HRNR: variants seen among roughly 807,000 people sequenced by gnomAD.
HRNR encodes the protein hornerin.
A neutral mutation model predicts 4.8 loss-of-function variants in HRNR; 7 were observed. The ratio of observed to expected loss-of-function variants is 1.47; its 90% CI spans 0.83 to 2.75. The LOEUF is 2.75. Among genes scored for constraint, HRNR ranks in the 30% most tolerant of loss-of-function variants. HRNR has a pLI of 0.00. For missense variants in HRNR, 2,879 were observed against 3,010.4 expected (o/e 0.96, Z 1.02); for synonymous variants, 1,023 against 1,242.7 (o/e 0.82, Z 3.72).
In HRNR at chr1:152,220,688, G is replaced by T. The variant is rs193159286; in HGVS notation, c.941C>A (p.Ser314Tyr). The T allele has an allele frequency of 6.2e-7, 1 of 1,613,194 alleles. No individual in the cohort carries two copies. Among genetic ancestry groups the T allele is most frequent in the East Asian group, 2.2e-5 (1 of 44,802 alleles). ...RQSPSHVRHG[S>Y]GSGHSSSHGQ... ...GTGGCTGGAGGAGTGCCCCGAACCG[G>T]ACCCATGTCGGACGTGGCTAGGAGA... The change falls in exon 3 of 3, where the codon TCC becomes TAC. Residue 314 changes from serine to tyrosine, a missense_variant. Ser to Tyr is a moderately radical substitution (Grantham distance 144). Around this residue, in one of 8 missense-constraint regions of HRNR, gnomAD observed 2,646 missense variants for 1,377.7 expected, o/e 1.92. Transcript: ENST00000368801.
rs755796416 is a variant in HRNR at position 152,219,199 on chromosome 1, G to T, written c.2430C>A (p.Gly810=). The change falls in exon 3 of 3, where the codon GGC becomes GGA. Residue 810 remains glycine (G), a synonymous_variant. Transcript: ENST00000368801. The part of the protein sequence containing the change: ...CSSSCGHYES[G]SGQASGFGQH... Reference sequence around the variant, plus strand: ...GCCCAAAACCAGAAGCCTGGCCTGAGCCAGACTCATAATGGCCACAGCTGG... The same window carrying T: ...GCCCAAAACCAGAAGCCTGGCCTGATCCAGACTCATAATGGCCACAGCTGG... 8 of 1,613,926 alleles carry T rather than the reference G, an allele frequency of 5.0e-6. No homozygotes were observed. Among genetic ancestry groups the T allele is most frequent in the Non-Finnish European group, 6.8e-6 (8 of 1,179,932 alleles).
rs139815460 is a variant in HRNR, at chr1:152,219,581, C to A, written c.2048G>T (p.Gly683Val). The change falls in exon 3 of 3, where the codon GGT becomes GTT. Residue 683 changes from glycine (G) to valine (V), a missense_variant. Physicochemically the swap from Gly to Val is moderately radical, Grantham distance 109. Coordinates refer to ENST00000368801, the MANE Select transcript of HRNR (RefSeq NM_001009931.3). ...ATGTGGGCCATTGCTTGAAGACCAA[C>A]CGGAGCCAGACCCATGTTGGCCGTA... is the stretch of plus-strand genomic sequence containing the variant. ...SSYGQHGSGS[G>V]WSSSNGPHGS... The A allele has an allele frequency of 3.1e-6, 5 of 1,611,594 alleles. No individual in the cohort carries two copies. The highest frequency in any genetic ancestry group is 4.2e-6 in the Non-Finnish European group (5 of 1,179,066).
Position 152,216,535 on chromosome 1 carries a change from C to A in HRNR, c.5094G>T (p.Gln1698His), listed in dbSNP as rs1648672367. The change falls in exon 3 of 3, where the codon CAG becomes CAT. Residue 1698 changes from glutamine (Q) to histidine (H), a missense_variant. This residue lies in a region of HRNR where 5 missense variants were observed against 621.9 expected (regional missense o/e 0.01). Transcript: ENST00000368801. ...RYGQHGSGSR[Q>H]SSGHGRQGSG... ...ACCCTTGTCGGCCGTGGCCCGAAGA[C>A]TGACGGGAGCCAGACCCATGCTGAC... 1 of 1,597,264 alleles carries A rather than the reference C, an allele frequency of 6.3e-7. No individual in the cohort carries two copies. The highest frequency in any genetic ancestry group is 8.5e-7 in the Non-Finnish European group (1 of 1,176,472).
rs1436241570 is a variant in HRNR, at chr1:152,218,504, G to C, written c.3125C>G (p.Ser1042Cys). 1.2e-6 allele frequency: 2 copies of C among 1,613,804 alleles called. No homozygotes were observed. Among genetic ancestry groups the C allele is most frequent in the East Asian group, 2.2e-5 (1 of 44,802 alleles). Residue 1042 changes from serine to cysteine, a missense_variant, in exon 3 of 3, where the codon TCT (serine) becomes TGT (cysteine). Ser to Cys is a moderately radical substitution (Grantham distance 112). This residue lies in a region of HRNR where 2,646 missense variants were observed against 1,377.7 expected (regional missense o/e 1.92). Coordinates refer to ENST00000368801, the MANE Select transcript of HRNR (RefSeq NM_001009931.3). ...GWSSSRGPYE[S>C]GSGHSSGLGH... Reference sequence around the variant, plus strand: ...TAAGCCAGAAGAGTGACCGGAGCCAGACTCATATGGGCCACGGCTTGAAGA... The same window carrying C: ...TAAGCCAGAAGAGTGACCGGAGCCACACTCATATGGGCCACGGCTTGAAGA...
Position 152,218,243 on chromosome 1 carries a change from C to A in HRNR, c.3386G>T (p.Gly1129Val). The A allele has an allele frequency of 6.4e-7, 1 of 1,563,558 alleles. No homozygotes were observed. Among genetic ancestry groups the A allele is most frequent in the Non-Finnish European group, 8.7e-7 (1 of 1,154,726 alleles). Residue 1129 changes from glycine (G) to valine (V), a missense_variant, in exon 3 of 3, where the codon GGC becomes GTC. This residue lies in a region of HRNR where 26 missense variants were observed against 79.4 expected (regional missense o/e 0.33). Transcript: ENST00000368801. Reference protein sequence around the residue: ...GSGSGQSPGHGQRGSGSRQSP... With the variant: ...GSGSGQSPGHVQRGSGSRQSP... The stretch of plus-strand genomic sequence containing the variant: ...CTGCCTTGACCCAGACCCACGCTGG[C>A]CGTGGCCTGGAGACTGGCCAGATCC...
In HRNR at chr1:152,212,811, T is replaced by C. The variant is rs1570829937; in HGVS notation, c.*265A>G. 7 of 519,474 alleles carry C rather than the reference T, an allele frequency of 1.3e-5. No homozygotes were observed. The highest frequency in any genetic ancestry group is 2.0e-5 in the Non-Finnish European group (6 of 299,238). The allele number at this position is 519,474 out of a possible 1,614,324, so 32.2% of individuals were successfully genotyped here. A position where few individuals can be genotyped will look rare whatever the true frequency, so the allele number is the denominator to read the frequency against. On this transcript the variant is annotated 3_prime_UTR_variant, in exon 3 of 3. Transcript: ENST00000368801. ...AAAGCTCTTTAAAAGCTTTTCATTATTCCTCAAAGTTTAACCCTCATTCTA... is the reference window on the plus strand; with the variant it reads ...AAAGCTCTTTAAAAGCTTTTCATTACTCCTCAAAGTTTAACCCTCATTCTA...
rs1557844892 is a variant in HRNR at position 152,219,601 on chromosome 1, G to T, written c.2028C>A (p.Gly676=). The change falls in exon 3 of 3, where the codon GGC becomes GGA. Residue 676 remains glycine (G), a synonymous_variant. Transcript: ENST00000368801. ...GSDFGHSSSY[G]QHGSGSGWSS... ...ACCAACCGGAGCCAGACCCATGTTG[G>T]CCGTAGCTGGAAGAGTGCCCAAAAT... 6.2e-7 allele frequency: 1 copy of T among 1,610,422 alleles called. No individual in the cohort carries two copies. Among genetic ancestry groups the T allele is most frequent in the Non-Finnish European group, 8.5e-7 (1 of 1,177,784 alleles).
In HRNR at chr1:152,221,516, T is replaced by A. The variant is rs769630493; in HGVS notation, c.139-26A>T. On this transcript the variant is annotated intron_variant, in intron 2 of 2. Coordinates refer to ENST00000368801, the MANE Select transcript of HRNR (RefSeq NM_001009931.3). Reference sequence around the variant, plus strand: ...CTGTATAAGAGAAAGGTACAAAGAGTAGCTCTGTTAGTATGGACAATACAT... The same window carrying A: ...CTGTATAAGAGAAAGGTACAAAGAGAAGCTCTGTTAGTATGGACAATACAT... The A allele has an allele frequency of 9.3e-6, 14 of 1,505,482 alleles. No homozygotes were observed. In the South Asian group the frequency reaches 1.4e-4, roughly 15 times the overall value. 93.3% of individuals were successfully genotyped at this position (1,505,482 alleles called of 1,614,324 possible). A position where few individuals can be genotyped will look rare whatever the true frequency, so the allele number is the denominator to read the frequency against.
chr1:152,218,344 G>A lies in HRNR; in HGVS notation c.3285C>T (p.Ser1095=). The A allele has an allele frequency of 6.2e-7, 1 of 1,611,112 alleles. No individual in the cohort carries two copies. The highest frequency in any genetic ancestry group is 8.5e-7 in the Non-Finnish European group (1 of 1,179,666). The change falls in exon 3 of 3, where the codon AGC becomes AGT. Residue 1095 remains serine (S), a synonymous_variant. Coordinates refer to ENST00000368801, the MANE Select transcript of HRNR (RefSeq NM_001009931.3). ...GACCGTGGCTGGAAGACTGACCTGAGCTAGCTCCATGTTGGCCACAGCTCG... is the reference window on the plus strand; with the variant it reads ...GACCGTGGCTGGAAGACTGACCTGAACTAGCTCCATGTTGGCCACAGCTCG... ...QSSSCGQHGA[S]SGQSSSHGQH...
Position 152,221,014 on chromosome 1 carries a change from A to T in HRNR, c.615T>A (p.Tyr205Ter), listed in dbSNP as rs1335182304. 1 of 1,613,940 alleles carries T rather than the reference A, an allele frequency of 6.2e-7. No homozygotes were observed. The highest frequency in any genetic ancestry group is 8.5e-7 in the Non-Finnish European group (1 of 1,179,976). The stretch of plus-strand genomic sequence containing the variant: ...GTCCGGAGCCAGAGCCGTGTTGGCC[A>T]TAGTTGGGAGACTGCCCTGACCCAG... The part of the protein sequence containing the change: ...CGSGSGQSPN[Y>*]GQHGSGSGQS... Residue 205 changes from tyrosine (Y) to a stop codon, truncating the protein, a stop_gained, in exon 3 of 3, where the codon TAT becomes TAA. Transcript: ENST00000368801. LOFTEE classifies it low-confidence loss of function (END_TRUNC).
chr1:152,220,372 T>A lies in HRNR; in HGVS notation c.1257A>T (p.Gly419=). 4.3e-6 allele frequency: 7 copies of A among 1,613,188 alleles called. No individual in the cohort carries two copies. Among genetic ancestry groups the A allele is most frequent in the Non-Finnish European group, 4.2e-6 (5 of 1,179,612 alleles). ...GGCCGTGGCCTGGAGACTGGCCAGA[T>A]CCAGAGCTGTGTTGGCCGCGGCCTG... ...HSSGRGQHSS[G]SGQSPGHGQR... The change falls in exon 3 of 3, where the codon GGA becomes GGT. Residue 419 remains glycine, a synonymous_variant. Coordinates refer to ENST00000368801, the MANE Select transcript of HRNR (RefSeq NM_001009931.3).
In HRNR at chr1:152,220,714, C is replaced by G. The variant is rs1648949337; in HGVS notation, c.915G>C (p.Gln305His). The change falls in exon 3 of 3, where the codon CAG becomes CAC. Residue 305 changes from glutamine (Q) to histidine (H), a missense_variant. Gln to His is a conservative substitution (Grantham distance 24). This residue lies in a region of HRNR where 2,646 missense variants were observed against 1,377.7 expected (regional missense o/e 1.92). Transcript: ENST00000368801. The part of the protein sequence containing the change: ...GHGRQGSGSR[Q>H]SPSHVRHGSG... ...ACCCATGTCGGACGTGGCTAGGAGA[C>G]TGGCGAGATCCAGACCCTTGTCGGC... 2 of 1,613,118 alleles carry G rather than the reference C, an allele frequency of 1.2e-6. No individual in the cohort carries two copies. Among genetic ancestry groups the G allele is most frequent in the South Asian group, 1.1e-5 (1 of 90,974 alleles).
chr1:152,221,196 TGACGTTTCTG>T lies in HRNR; in HGVS notation c.423_432del (p.Arg142GlufsTer15), dbSNP rs762144130. ...TCAGTCCCAGGTTTAAGACTTCCTC[TGACGTTTCTG>T]GAATAGGAATCATTCTCTCCTGCAC... On this transcript the variant is annotated frameshift_variant, in exon 3 of 3. Transcript: ENST00000368801. LOFTEE classifies it low-confidence loss of function (END_TRUNC). 40 of 1,614,094 alleles carry T rather than the reference TGACGTTTCTG, an allele frequency of 2.5e-5. No individual in the cohort carries two copies. The South Asian group carries it at 4.2e-4, about 17-fold the overall frequency.
At position 152,220,238 on chromosome 1, in the gene HRNR, C is replaced by T. The variant is rs745833259; in HGVS notation, c.1391G>A (p.Gly464Asp). Residue 464 changes from glycine (G) to aspartate (D), a missense_variant, in exon 3 of 3, where the codon GGC (glycine) becomes GAC (aspartate). Physicochemically the swap from Gly to Asp is moderately conservative, Grantham distance 94 (BLOSUM62 -1). Coordinates refer to ENST00000368801, the MANE Select transcript of HRNR (RefSeq NM_001009931.3). ...PYVSGSGYSS[G>D]FGHHESSSEH... ...TGAGCTAGACTCGTGGTGACCAAAGCCAGAAGAGTAGCCTGAACCAGACAC... is the reference window on the plus strand; with the variant it reads ...TGAGCTAGACTCGTGGTGACCAAAGTCAGAAGAGTAGCCTGAACCAGACAC... 2 of 1,613,414 alleles carry T rather than the reference C, an allele frequency of 1.2e-6. No individual in the cohort carries two copies. The highest frequency in any genetic ancestry group is 2.2e-5 in the East Asian group (1 of 44,854).
intron 2 of HRNR, among the ~76,000 whole-genome samples, chr1:152,222,169 T>C (rs1191496200): frequency 6.6e-6 from 1 of 152,012 alleles, no homozygotes. Flanking sequence ...GCAGAGGGAA[T>C]TATATGAACA....
At position 152,212,465 on chromosome 1, in the gene HRNR, A is replaced by C. The variant is rs138352228; in HGVS notation, c.*611T>G. 6 of 152,848 alleles carry C rather than the reference A, an allele frequency of 3.9e-5. No homozygotes were observed. In the East Asian group the frequency reaches 1.2e-3, roughly 29 times the overall value. The allele number at this position is 152,848 out of a possible 1,614,324, so 9.5% of individuals were successfully genotyped here. On this transcript the variant is annotated 3_prime_UTR_variant, in exon 3 of 3. Coordinates refer to ENST00000368801, the MANE Select transcript of HRNR (RefSeq NM_001009931.3). The stretch of plus-strand genomic sequence containing the variant: ...TGGCTTGGGAAAAGACCCTGATGCT[A>C]CTTTTTTATGCCACTAATTAACTTA...
chr1:152,220,277 C>G lies in HRNR; in HGVS notation c.1352G>C (p.Ser451Thr), dbSNP rs753018220. 1.2e-6 allele frequency: 2 copies of G among 1,614,024 alleles called. No individual in the cohort carries two copies. The highest frequency in any genetic ancestry group is 1.1e-5 in the South Asian group (1 of 91,084). The change falls in exon 3 of 3, where the codon AGC becomes ACC. Residue 451 changes from serine (S) to threonine (T), a missense_variant. Transcript: ENST00000368801. The stretch of plus-strand genomic sequence containing the variant: ...TGAACCAGACACATATGGGCCACTG[C>G]TGGAAGATCGACCAAAGCCAGTCCC... ...QHGTGFGRSS[S>T]SGPYVSGSGY...
Position 152,220,902 on chromosome 1 carries a change from C to T in HRNR, c.727G>A (p.Gly243Ser), listed in dbSNP as rs199662473. Residue 243 changes from glycine (G) to serine (S), a missense_variant, in exon 3 of 3, where the codon GGT becomes AGT. Physicochemically the swap from Gly to Ser is moderately conservative, Grantham distance 56 (BLOSUM62 0). Around this residue, in one of 8 missense-constraint regions of HRNR, gnomAD observed 2,646 missense variants for 1,377.7 expected, o/e 1.92. Coordinates refer to ENST00000368801, the MANE Select transcript of HRNR (RefSeq NM_001009931.3). ...QHKSSSGQSSGYSQHGSGSGH... is the reference protein window; with the variant it reads ...QHKSSSGQSSSYSQHGSGSGH... ...GAGCCAGATCCATGCTGACTGTAAC[C>T]AGAGGACTGCCCTGAGCTAGACTTG... 28 of 1,613,960 alleles carry T rather than the reference C, an allele frequency of 1.7e-5. No homozygotes were observed. The highest frequency in any genetic ancestry group is 2.3e-5 in the Non-Finnish European group (27 of 1,180,026).
Position 152,219,074 on chromosome 1 carries a change from G to C in HRNR, c.2555C>G (p.Ser852Ter). 6.2e-7 allele frequency: 1 copy of C among 1,614,016 alleles called. No homozygotes were observed. Among genetic ancestry groups the C allele is most frequent in the Non-Finnish European group, 8.5e-7 (1 of 1,180,014 alleles). The change falls in exon 3 of 3, where the codon TCA (serine) becomes TGA (stop). Residue 852 changes from serine to a stop codon, truncating the protein, a stop_gained. Coordinates refer to ENST00000368801, the MANE Select transcript of HRNR (RefSeq NM_001009931.3). LOFTEE classifies it low-confidence loss of function (END_TRUNC). ...GRHGSTSGQS[S>*]SSGQHDSSSG... ...GCTAGAGTCATGTTGGCCGGAGCTTGATGACTGCCCTGACGTAGATCCATG... is the reference window on the plus strand; with the variant it reads ...GCTAGAGTCATGTTGGCCGGAGCTTCATGACTGCCCTGACGTAGATCCATG...
Sources: allele counts gnomAD v4.1 joint callset (sites outside exome capture counted in the v4.1 genomes callset), GRCh38; gene constraint gnomAD v4.1.1; regional missense constraint gnomAD v4.1.1; transcripts MANE v1.5; gene names NCBI Gene and HGNC (gene_info 2026-07-23, HGNC 2026-07-21).